Variants in DTD1 observed in about 807,000 individuals in gnomAD.
DTD1 encodes D-aminoacyl-tRNA deacylase 1.
A neutral mutation model predicts 25.6 loss-of-function variants in DTD1; 13 were observed. That is an observed-to-expected ratio of 0.51 (90% CI 0.33 to 0.81). The LOEUF is 0.81. Ranked by LOEUF, DTD1 falls within the 30% of genes least tolerant of loss-of-function variation. The pLI is 0.02. For missense variants in DTD1, 193 were observed against 266.4 expected (o/e 0.72, Z 1.92); for synonymous variants, 110 against 103.6 (o/e 1.06, Z -0.37).
At chr20:18,675,266 T>TA in intron 4 of DTD1, 1 of 152,280 alleles carries the variant, frequency 6.6e-6, no homozygotes, top group Non-Finnish European at 1.5e-5. Flanking sequence ...GGAAGTCCCA[T>TA]ACTGTCATTT....
At chr20:18,745,028 T>C (rs2061294708) in intron 5 of DTD1, among the ~76,000 whole-genome samples, 1 of 152,178 alleles carries the variant, frequency 6.6e-6, no homozygotes, top group Admixed American at 6.5e-5. Flanking sequence ...TGATTGCCTG[T>C]GCAGAACACT....
In DTD1 at chr20:18,593,942, T is replaced by C. The variant is rs1445407509; in HGVS notation, c.134+121T>C. ...CTGTCACTTTTAACCATTGTCCCAT[T>C]GGATGTAGTATGGTTATCTCCGTGT... On this transcript the variant is annotated intron_variant, in intron 2 of 5. Coordinates refer to ENST00000377452, the MANE Select transcript of DTD1 (RefSeq NM_080820.6). The C allele has an allele frequency of 5.4e-6, 4 of 739,896 alleles. No homozygotes were observed. In the Admixed American group the frequency reaches 8.2e-5, roughly 15 times the overall value. The allele number at this position is 739,896 out of a possible 1,614,324, so 45.8% of individuals were successfully genotyped here.
At chr20:18,738,784 G>A (rs575320639) in intron 4 of DTD1, among the ~76,000 whole-genome samples, 31 of 152,272 alleles carry the variant, frequency 2.0e-4, no homozygotes, top group African/African-American at 6.5e-4. Context: ...GAGTAGCTGC[G>A]GTGTAGGCAG....
At chr20:18,700,360 C>T (rs142436257) in intron 4 of DTD1, among the ~76,000 whole-genome samples, 44 of 152,250 alleles carry the variant, frequency 2.9e-4, no homozygotes, top group African/African-American at 5.5e-4. Context: ...TCTTCAGTAG[C>T]CTCTGTTGAT....
intron 4 of DTD1, among the ~76,000 whole-genome samples, chr20:18,715,968 T>C (rs1242251531): frequency 2.0e-5 from 3 of 152,122 alleles, no homozygotes; most frequent in Admixed American, 1.3e-4. Flanking sequence ...GAAACACAAA[T>C]TGAGTGATTT....
intron 4 of DTD1, among the ~76,000 whole-genome samples, chr20:18,646,332 C>T (rs2060850314): frequency 6.6e-6 from 1 of 152,082 alleles, no homozygotes; most frequent in Non-Finnish European, 1.5e-5. Context: ...ACACACCTTC[C>T]CATGGAGCTT....
chr20:18,755,311 G>T (rs1457495598), intron 5 of DTD1, among the ~76,000 whole-genome samples: 3 of 152,126 alleles, frequency 2.0e-5, no homozygotes, highest in African/African-American at 7.2e-5. Context: ...AGGTCCATGT[G>T]CACAACGTGC....
At chr20:18,596,868 A>G (rs761297773) in intron 3 of DTD1, among the ~76,000 whole-genome samples, 1 of 151,990 alleles carries the variant, frequency 6.6e-6, no homozygotes, top group Non-Finnish European at 1.5e-5. Context: ...AACATCCACC[A>G]CTAGAGTGGT....
At chr20:18,668,947 C>T (rs1474517887) in intron 4 of DTD1, among the ~76,000 whole-genome samples, 3 of 152,298 alleles carry the variant, frequency 2.0e-5, no homozygotes, top group South Asian at 4.1e-4. Flanking sequence ...TTCTGGCTAA[C>T]GAGCATCTTT....
At chr20:18,720,177 C>T (rs1212108827) in intron 4 of DTD1, among the ~76,000 whole-genome samples, 1 of 152,116 alleles carries the variant, frequency 6.6e-6, no homozygotes. Context: ...CAGGCCATAC[C>T]TGTAATCATT....
chr20:18,649,892 G>A (rs1462325170), intron 4 of DTD1, among the ~76,000 whole-genome samples: 1 of 152,158 alleles, frequency 6.6e-6, no homozygotes, highest in Non-Finnish European at 1.5e-5. Context: ...CAGTCCTGTT[G>A]GACTTCACCT....
chr20:18,634,589 C>T (rs1016919759), intron 4 of DTD1, among the ~76,000 whole-genome samples: 55 of 152,194 alleles, frequency 3.6e-4, no homozygotes, highest in Non-Finnish European at 1.6e-4. Context: ...CTCTGAGTAT[C>T]ACCGTTGCTC....
chr20:18,690,364 T>C (rs1027593277), intron 4 of DTD1, among the ~76,000 whole-genome samples: 2 of 152,316 alleles, frequency 1.3e-5, no homozygotes, highest in Middle Eastern at 3.4e-3. Flanking sequence ...GTTCCACTTG[T>C]TAATTTTTGT....
intron 1 of DTD1, among the ~76,000 whole-genome samples, chr20:18,591,546 C>T (rs1214437522): frequency 1.3e-5 from 2 of 151,768 alleles, no homozygotes; most frequent in Non-Finnish European, 2.9e-5. Context: ...TAGTTGAAAA[C>T]AAATATGAAT....
intron 4 of DTD1, among the ~76,000 whole-genome samples, chr20:18,700,715 T>C (rs1343447978): frequency 6.6e-6 from 1 of 152,052 alleles, no homozygotes; most frequent in East Asian, 1.9e-4. Flanking sequence ...ATGGTGGAGG[T>C]GGCAGTCAGG....
At chr20:18,598,381 T>C (rs1294821918) in intron 3 of DTD1, among the ~76,000 whole-genome samples, 2 of 152,250 alleles carry the variant, frequency 1.3e-5, no homozygotes, top group African/African-American at 4.8e-5. Context: ...CTATCACTGA[T>C]GGACATTTGG....
At chr20:18,703,463 A>G (rs1490927364) in intron 4 of DTD1, among the ~76,000 whole-genome samples, 1 of 151,772 alleles carries the variant, frequency 6.6e-6, no homozygotes, top group African/African-American at 2.4e-5. Flanking sequence ...GCTATTTTCA[A>G]TATTTTCTCA....
intron 5 of DTD1, among the ~76,000 whole-genome samples, chr20:18,761,099 G>A (rs1048985240): frequency 2.0e-5 from 3 of 152,170 alleles, no homozygotes; most frequent in Non-Finnish European, 4.4e-5. Context: ...CATTATTAGG[G>A]TGGGAGTGAC....
In DTD1 at chr20:18,764,041, A is replaced by ACACAGGCTC. The variant is rs1270128080; in HGVS notation, c.*703_*711dup. 6.6e-6 allele frequency: 1 copy of ACACAGGCTC among 152,218 alleles called. No homozygotes were observed. Among genetic ancestry groups the ACACAGGCTC allele is most frequent in the Non-Finnish European group, 1.5e-5 (1 of 68,044 alleles). The allele number at this position is 152,218 out of a possible 1,614,324, so 9.4% of individuals were successfully genotyped here. A position where few individuals can be genotyped will look rare whatever the true frequency, so the allele number is the denominator to read the frequency against. ...CAAGAGGGCCTTCTCTAACTGGCCC[A>ACACAGGCTC]CACAGGCTCCTGAGTCCAGGTGGGA... On this transcript the variant is annotated 3_prime_UTR_variant, in exon 6 of 6. Coordinates refer to ENST00000377452, the MANE Select transcript of DTD1 (RefSeq NM_080820.6).
Sources: gnomAD v4.1 joint callset for allele counts (sites outside exome capture counted in the v4.1 genomes callset) on GRCh38, gnomAD v4.1.1 for gene constraint, MANE v1.5 for transcripts, NCBI Gene and HGNC (gene_info 2026-07-23, HGNC 2026-07-21) for gene names.